EFR3A: variants seen among roughly 807,000 people sequenced by gnomAD.
The protein encoded by EFR3A is protein EFR3 homolog A.
EFR3A carries 76 observed loss-of-function variants against 104.4 expected under a neutral mutation model. The observed-to-expected ratio is 0.73, with a 90% CI of 0.60 to 0.88. The LOEUF is 0.88. Ranked by LOEUF, EFR3A falls within the 40% of genes least tolerant of loss-of-function variation. EFR3A has a pLI of 0.00. For missense variants in EFR3A, 985 were observed against 1,012.5 expected (o/e 0.97, Z 0.37); for synonymous variants, 330 against 330.0 (o/e 1.00, Z 0.00).
chr8:132,004,323 G>A (rs552415632), intron 22 of EFR3A, among the ~76,000 whole-genome samples: 2 of 152,364 alleles, frequency 1.3e-5, no homozygotes, highest in African/African-American at 4.8e-5. Context: ...CAGGAGGTGA[G>A]CAGTGGGCAA....
chr8:132,001,211 T>A (rs1317313155), intron 19 of EFR3A, among the ~76,000 whole-genome samples: 1 of 152,228 alleles, frequency 6.6e-6, no homozygotes, highest in Non-Finnish European at 1.5e-5. Context: ...AAATTGGTGG[T>A]TAACTTTAGA....
At chr8:131,919,516 A>G (rs1251044973) in intron 1 of EFR3A, among the ~76,000 whole-genome samples, 1 of 149,156 alleles carries the variant, frequency 6.7e-6, no homozygotes, top group Non-Finnish European at 1.5e-5. Flanking sequence ...GAATGGCGTG[A>G]GCTCAGGAGG....
rs761522173 is a variant in EFR3A, at chr8:131,987,614, C to T, written c.1977C>T (p.Tyr659=). The change falls in exon 18 of 23, where the codon TAC becomes TAT. Residue 659 remains tyrosine (Y), a synonymous_variant. Transcript: ENST00000254624. ...KSLEKHEKDL[Y]FLTNKIAESL... ...TAGAGAAGCATGAAAAAGATTTGTA[C>T]TTTCTGACCAACAAGATTGCAGAGT... The T allele has an allele frequency of 1.9e-6, 3 of 1,597,606 alleles. No homozygotes were observed. The highest frequency in any genetic ancestry group is 2.2e-5 in the East Asian group (1 of 44,580).
intron 1 of EFR3A, among the ~76,000 whole-genome samples, chr8:131,918,018 G>A (rs1481287988): frequency 6.6e-6 from 1 of 152,228 alleles, no homozygotes; most frequent in African/African-American, 2.4e-5. Flanking sequence ...GCCTGGCACA[G>A]TGGCTCACTC....
intron 22 of EFR3A, 120 bp downstream of exon 22, chr8:132,003,405 A>G: frequency 1.1e-6 from 1 of 933,754 alleles, no homozygotes; most frequent in Non-Finnish European, 1.7e-6. Context: ...CTTTTCATTT[A>G]GGATTAACAT....
intron 9 of EFR3A, among the ~76,000 whole-genome samples, chr8:131,969,550 T>A (rs1819935152): frequency 6.6e-6 from 1 of 151,730 alleles, no homozygotes; most frequent in African/African-American, 2.4e-5. Context: ...GTGGGTTTTT[T>A]TTTTCCCCCG....
At position 131,996,487 on chromosome 8, in the gene EFR3A, C is replaced by T. The variant is rs1239407311; in HGVS notation, c.2147C>T (p.Ser716Phe). ...QVDILSNNVP[S>F]DDVVSNTEEI... ...GATATTTTATCCAACAATGTTCCTT[C>T]TGATGATGTGGTAAGTTACTGAAAG... The change falls in exon 19 of 23, where the codon TCT (serine) becomes TTT (phenylalanine). Residue 716 changes from serine (S) to phenylalanine (F), a missense_variant. Physicochemically the swap from Ser to Phe is radical, Grantham distance 155. Coordinates refer to ENST00000254624, the MANE Select transcript of EFR3A (RefSeq NM_015137.6). 1.2e-5 allele frequency: 19 copies of T among 1,592,902 alleles called. No individual in the cohort carries two copies. Among genetic ancestry groups the T allele is most frequent in the Non-Finnish European group, 1.6e-5 (19 of 1,170,336 alleles).
At position 131,940,548 on chromosome 8, in the gene EFR3A, G is replaced by A. The variant is rs1275081218; in HGVS notation, c.60G>A (p.Val20=). 1.2e-6 allele frequency: 2 copies of A among 1,608,390 alleles called. No homozygotes were observed. Among genetic ancestry groups the A allele is most frequent in the Non-Finnish European group, 1.7e-6 (2 of 1,177,756 alleles). ...SALRPRYKRL[V]DNIFPEDPKD... is the part of the protein sequence containing the mutation. ...TGCGTCCTCGCTACAAACGCCTGGT[G>A]GACAACATATTCCCTGAAGATCCAA... Residue 20 remains valine, a synonymous_variant, in exon 2 of 23, where the codon GTG becomes GTA. Coordinates refer to ENST00000254624, the MANE Select transcript of EFR3A (RefSeq NM_015137.6).
At chr8:131,962,327 G>T (rs1443967234) in intron 8 of EFR3A, among the ~76,000 whole-genome samples, 9 of 151,872 alleles carry the variant, frequency 5.9e-5, no homozygotes, top group Non-Finnish European at 1.3e-4. Flanking sequence ...CTCACGTGCA[G>T]AGACACACAT....
intron 10 of EFR3A, among the ~76,000 whole-genome samples, chr8:131,975,693 G>A (rs558792542): frequency 2.0e-4 from 30 of 152,042 alleles, no homozygotes; most frequent in African/African-American, 6.3e-4. Flanking sequence ...TGGGATTATG[G>A]GCATGAGCCA....
intron 1 of EFR3A, among the ~76,000 whole-genome samples, chr8:131,908,434 C>T (rs913729063): frequency 6.6e-6 from 1 of 152,136 alleles, no homozygotes; most frequent in Non-Finnish European, 1.5e-5. Flanking sequence ...CAGTTTCCAA[C>T]TTACTGATTA....
In EFR3A at chr8:132,010,405, G is replaced by GATATATATAT. The variant is rs200821953; in HGVS notation, c.2361-384_2361-383insTATATATATA. On this transcript the variant is annotated intron_variant, in intron 22 of 22. Transcript: ENST00000254624. ...TTGTTCTCTGGATTAAATCAAGTATGAGATATATATATATATATATATATA... is the reference window on the plus strand; with the variant it reads ...TTGTTCTCTGGATTAAATCAAGTATGATATATATATAGATATATATATATATATATATATA... Among the ~76,000 whole-genome samples, 255 of 87,958 alleles carry GATATATATAT rather than the reference G, an allele frequency of 2.9e-3. 14 individuals carry two copies. The highest frequency in any genetic ancestry group is 3.7e-3 in the African/African-American group (79 of 21,082). 57.7% of individuals were successfully genotyped at this position (87,958 alleles called of 152,430 possible).
chr8:131,913,800 C>T (rs972048962), intron 1 of EFR3A, among the ~76,000 whole-genome samples: 1 of 152,078 alleles, frequency 6.6e-6, no homozygotes. Context: ...CCTGATGAGC[C>T]GAGTGAAGTG....
At chr8:131,967,514 G>A (rs1176444477) in intron 8 of EFR3A, among the ~76,000 whole-genome samples, 1 of 150,436 alleles carries the variant, frequency 6.6e-6, no homozygotes, top group Non-Finnish European at 1.5e-5. Context: ...ATAGTAGACC[G>A]ATCGTGACTC....
intron 1 of EFR3A, among the ~76,000 whole-genome samples, chr8:131,908,057 G>GT (rs113534228): frequency 4.4e-3 from 632 of 144,808 alleles, no homozygotes; most frequent in Non-Finnish European, 5.4e-3. Context: ...AGAATTTGAG[G>GT]TTTTTTTTTT....
chr8:131,957,140 A>G (rs1447727886), intron 7 of EFR3A, among the ~76,000 whole-genome samples: 1 of 152,194 alleles, frequency 6.6e-6, no homozygotes, highest in African/African-American at 2.4e-5. Flanking sequence ...GTGATTACAC[A>G]TTAACCATTT....
chr8:131,979,105 C>A, intron 13 of EFR3A, 86 bp downstream of exon 13: 1 of 1,315,298 alleles, frequency 7.6e-7, no homozygotes, highest in Non-Finnish European at 1.0e-6. Context: ...TTTTAAAAAT[C>A]TAGCATGTTC....
rs1822431015 is a variant in EFR3A at position 132,013,082 on chromosome 8, G to T, written c.*2187G>T. On this transcript the variant is annotated 3_prime_UTR_variant, in exon 23 of 23. Transcript: ENST00000254624. ...GCAAGAGATTCTGCAGGAACTGGGT[G>T]TGCACACGGTGTTGTAGCCAGTTCA... is the stretch of plus-strand genomic sequence containing the variant. 6.6e-6 allele frequency: 1 copy of T among 152,188 alleles called. No individual in the cohort carries two copies. Among genetic ancestry groups the T allele is most frequent in the Admixed American group, 6.5e-5 (1 of 15,280 alleles). 9.4% of individuals were successfully genotyped at this position (152,188 alleles called of 1,614,324 possible).
At chr8:131,994,337 A>G (rs865985155) in intron 18 of EFR3A, among the ~76,000 whole-genome samples, 2 of 151,858 alleles carry the variant, frequency 1.3e-5, no homozygotes, top group African/African-American at 4.8e-5. Flanking sequence ...GAGCTTCCCT[A>G]CTGTTTTGGG....
Sources: gnomAD v4.1 joint callset for allele counts (sites outside exome capture counted in the v4.1 genomes callset) on GRCh38, gnomAD v4.1.1 for gene constraint, MANE v1.5 for transcripts, NCBI Gene and HGNC (gene_info 2026-07-23, HGNC 2026-07-21) for gene names.